The following GPD1L variants were observed in gnomAD, a reference collection of about 807,000 sequenced individuals.
GPD1L encodes glycerol-3-phosphate dehydrogenase 1 like, also known as glycerol-3-phosphate dehydrogenase 1-like protein.
A neutral mutation model predicts 32.9 loss-of-function variants in GPD1L; 17 were observed. The observed-to-expected ratio is 0.52, with a 90% CI of 0.35 to 0.78. GPD1L has a LOEUF of 0.78. GPD1L is among the 30% of genes least tolerant of loss of function. The probability of loss-of-function intolerance (pLI) is 0.01; values close to 1 mark genes in which losing one functional copy is unlikely to be tolerated. For missense variants in GPD1L, 361 were observed against 447.8 expected (o/e 0.81, Z 1.75); for synonymous variants, 187 against 165.9 (o/e 1.13, Z -0.98).
chr3:32,113,428 G>A (rs1037668204), intron 1 of GPD1L, among the ~76,000 whole-genome samples: 1 of 151,934 alleles, frequency 6.6e-6, no homozygotes, highest in African/African-American at 2.4e-5. Flanking sequence ...TCTCTGGCAG[G>A]CCAAGTAGCA....
In GPD1L at chr3:32,166,488, A is replaced by G. The variant is rs1701149450; in HGVS notation, c.*578A>G. On this transcript the variant is annotated 3_prime_UTR_variant, in exon 8 of 8. Coordinates refer to ENST00000282541, the MANE Select transcript of GPD1L (RefSeq NM_015141.4). ...TAATCCACTCATGTATTTCCCCCTCACTGCAGTTGTCTGCATTTTTAGCCT... is the reference window on the plus strand; with the variant it reads ...TAATCCACTCATGTATTTCCCCCTCGCTGCAGTTGTCTGCATTTTTAGCCT... 1 of 156,024 alleles carries G rather than the reference A, an allele frequency of 6.4e-6. No homozygotes were observed. Among genetic ancestry groups the G allele is most frequent in the Non-Finnish European group, 1.4e-5 (1 of 70,672 alleles). The allele number at this position is 156,024 out of a possible 1,614,324, so 9.7% of individuals were successfully genotyped here.
intron 1 of GPD1L, among the ~76,000 whole-genome samples, chr3:32,111,585 A>C (rs771138926): frequency 2.0e-5 from 3 of 152,172 alleles, no homozygotes; most frequent in Non-Finnish European, 4.4e-5. Flanking sequence ...AAGTCACAAA[A>C]TGGACTGGTT....
At chr3:32,153,108 T>A (rs1268253169) in intron 5 of GPD1L, among the ~76,000 whole-genome samples, 1 of 152,184 alleles carries the variant, frequency 6.6e-6, no homozygotes, top group Non-Finnish European at 1.5e-5. Flanking sequence ...CTGGTGGTGT[T>A]CCTTTGTGGG....
intron 4 of GPD1L, among the ~76,000 whole-genome samples, chr3:32,143,960 T>TGACA (rs1482789850): frequency 6.6e-6 from 1 of 152,082 alleles, no homozygotes; most frequent in Non-Finnish European, 1.5e-5. Flanking sequence ...CCAGCCTGGG[T>TGACA]GACAGAGCAA....
intron 7 of GPD1L, among the ~76,000 whole-genome samples, chr3:32,160,241 G>A (rs950210917): frequency 6.9e-6 from 1 of 145,418 alleles, no homozygotes; most frequent in Non-Finnish European, 1.5e-5. Context: ...GGAAGGGATG[G>A]GATGAGATAG....
intron 5 of GPD1L, chr3:32,151,172 C>T: frequency 1.7e-6 from 1 of 581,866 alleles, no homozygotes; most frequent in Non-Finnish European, 3.3e-6. Context: ...GTGGAGCAGG[C>T]TGGTACTTCA....
intron 3 of GPD1L, among the ~76,000 whole-genome samples, chr3:32,138,966 C>A (rs1331037154): frequency 6.6e-6 from 1 of 152,108 alleles, no homozygotes; most frequent in Non-Finnish European, 1.5e-5. Flanking sequence ...GCTGTGCCGC[C>A]CCTTCCAGTC....
At chr3:32,147,614 A>G (rs1441370020) in intron 5 of GPD1L, among the ~76,000 whole-genome samples, 2 of 152,304 alleles carry the variant, frequency 1.3e-5, no homozygotes, top group Non-Finnish European at 1.5e-5. Flanking sequence ...TCTACAAAAA[A>G]GAGTGGGGGG....
intron 2 of GPD1L, among the ~76,000 whole-genome samples, chr3:32,133,579 G>C (rs936829501): frequency 6.6e-6 from 1 of 152,164 alleles, no homozygotes; most frequent in Non-Finnish European, 1.5e-5. Flanking sequence ...GGGAGAAGCT[G>C]TTCTTATTTT....
intron 1 of GPD1L, among the ~76,000 whole-genome samples, chr3:32,119,977 T>A (rs1158025422): frequency 6.6e-6 from 1 of 152,136 alleles, no homozygotes; most frequent in Non-Finnish European, 1.5e-5. Context: ...CCTAAAATAA[T>A]CAAAAAGGTC....
chr3:32,123,131 G>A (rs1700447652), intron 1 of GPD1L, among the ~76,000 whole-genome samples: 1 of 152,002 alleles, frequency 6.6e-6, no homozygotes, highest in Non-Finnish European at 1.5e-5. Flanking sequence ...CAAACTCCTG[G>A]GCTCAAGAAA....
At chr3:32,152,757 T>C (rs1274997134) in intron 5 of GPD1L, among the ~76,000 whole-genome samples, 2 of 151,762 alleles carry the variant, frequency 1.3e-5, no homozygotes, top group East Asian at 3.9e-4. Context: ...GTGTGGCCCT[T>C]GTCTTCATGG....
intron 7 of GPD1L, among the ~76,000 whole-genome samples, chr3:32,160,891 T>G (rs9834802): frequency 1.3e-5 from 2 of 148,772 alleles, no homozygotes; most frequent in East Asian, 3.9e-4. Context: ...ACTACACCAC[T>G]GCATAAATGC....
intron 1 of GPD1L, among the ~76,000 whole-genome samples, chr3:32,121,777 A>ATTTC (rs1370831169): frequency 7.2e-5 from 10 of 137,938 alleles, no homozygotes; most frequent in African/African-American, 2.2e-4. Flanking sequence ...CTATATATAT[A>ATTTC]TATATTTTTT....
At chr3:32,151,489 A>AT (rs998834569) in intron 5 of GPD1L, 58 of 358,078 alleles carry the variant, frequency 1.6e-4, no homozygotes, top group Middle Eastern at 8.0e-4. Flanking sequence ...TTTATTTTTT[A>AT]TTTTTTTTGA....
At chr3:32,161,346 G>T (rs932780448) in intron 7 of GPD1L, among the ~76,000 whole-genome samples, 1 of 152,176 alleles carries the variant, frequency 6.6e-6, no homozygotes, top group Non-Finnish European at 1.5e-5. Context: ...TGCCAAAGGA[G>T]GAGAACTACC....
chr3:32,111,201 A>G (rs1700241119), intron 1 of GPD1L, among the ~76,000 whole-genome samples: 1 of 152,206 alleles, frequency 6.6e-6, no homozygotes, highest in South Asian at 2.1e-4. Context: ...CCTTGGGAAG[A>G]TCACCCAGAC....
At chr3:32,158,513 C>T (rs1701025039) in intron 5 of GPD1L, 1 of 364,326 alleles carries the variant, frequency 2.7e-6, no homozygotes. Context: ...GTGTACTTTT[C>T]TGTATGAATG....
chr3:32,106,757 T>G lies in GPD1L; in HGVS notation c.46T>G (p.Trp16Gly), dbSNP rs1461748390. 1 of 1,558,726 alleles carries G rather than the reference T, an allele frequency of 6.4e-7. No individual in the cohort carries two copies. Among genetic ancestry groups the G allele is most frequent in the Non-Finnish European group, 8.7e-7 (1 of 1,152,990 alleles). ...LKVCIVGSGN[W>G]GSAVAKIIGN... is the part of the protein sequence containing the mutation. The stretch of plus-strand genomic sequence containing the variant: ...AGTGTGCATCGTGGGCTCGGGGAAC[T>G]GGTGAGCGGCGGCGGGCTGGAGGCC... The change falls in exon 1 of 8, where the codon TGG becomes GGG. Residue 16 changes from tryptophan to glycine, a missense_variant and splice_region_variant. Physicochemically the swap from Trp to Gly is radical, Grantham distance 184 (BLOSUM62 -2). Transcript: ENST00000282541. The surrounding 1 kb of genome is among the most constrained non-coding windows in gnomAD (Gnocchi z 4.0).
Sources: allele counts gnomAD v4.1 joint callset (sites outside exome capture counted in the v4.1 genomes callset), GRCh38; gene constraint gnomAD v4.1.1; non-coding constraint Gnocchi (gnomAD v3.1); transcripts MANE v1.5; gene names NCBI Gene and HGNC (gene_info 2026-07-23, HGNC 2026-07-21).